CACNA2D3: variants seen among roughly 807,000 people sequenced by gnomAD.
CACNA2D3 encodes calcium voltage-gated channel auxiliary subunit alpha2delta 3, also known as voltage-dependent calcium channel subunit alpha-2/delta-3.
CACNA2D3 carries 60 observed loss-of-function variants against 160.6 expected under a neutral mutation model. The observed-to-expected ratio is 0.37, with a 90% CI of 0.30 to 0.46. The LOEUF is 0.46. CACNA2D3 is among the 20% of genes least tolerant of loss of function. The pLI is 1.00. For missense variants in CACNA2D3, 1,205 were observed against 1,365.0 expected, an observed-to-expected ratio of 0.88 and a Z score of 1.85; for synonymous variants, 558 against 492.9, an observed-to-expected ratio of 1.13 and a Z score of -1.75.
chr3:54,591,264 C>G (rs1342753836), intron 9 of CACNA2D3, among the ~76,000 whole-genome samples: 1 of 152,236 alleles, frequency 6.6e-6, no homozygotes, highest in Admixed American at 6.5e-5. Context: ...GTCATCCCCT[C>G]TCCCCAGCTA....
intron 11 of CACNA2D3, among the ~76,000 whole-genome samples, chr3:54,692,364 A>G (rs1700587142): frequency 6.6e-6 from 1 of 152,176 alleles, no homozygotes; most frequent in South Asian, 2.1e-4. Flanking sequence ...CCTTCAGGTC[A>G]GGAGAGCATT....
At chr3:54,924,194 G>T (rs1040822373) in intron 27 of CACNA2D3, among the ~76,000 whole-genome samples, 3 of 152,170 alleles carry the variant, frequency 2.0e-5, no homozygotes, top group African/African-American at 4.8e-5. Flanking sequence ...AATTACAGTT[G>T]TCAAATGGGT....
At chr3:54,795,182 A>G (rs917168078) in intron 13 of CACNA2D3, among the ~76,000 whole-genome samples, 1 of 152,104 alleles carries the variant, frequency 6.6e-6, no homozygotes, top group Non-Finnish European at 1.5e-5. Context: ...AGACCCATAC[A>G]GTCACTTTTA....
chr3:54,375,659 T>G (rs1415287934), intron 3 of CACNA2D3, among the ~76,000 whole-genome samples: 1 of 152,068 alleles, frequency 6.6e-6, no homozygotes, highest in African/African-American at 2.4e-5. Flanking sequence ...TTTTGGGTCA[T>G]AGTCATGATT....
intron 9 of CACNA2D3, chr3:54,626,351 G>C: frequency 6.4e-7 from 1 of 1,557,170 alleles, no homozygotes; most frequent in Non-Finnish European, 8.7e-7. Context: ...CGGCTGAACC[G>C]GGGCCTGCGG....
intron 2 of CACNA2D3, among the ~76,000 whole-genome samples, chr3:54,280,223 A>G (rs1702842519): frequency 6.6e-6 from 1 of 152,084 alleles, no homozygotes; most frequent in African/African-American, 2.4e-5. Context: ...CTGGAACTAC[A>G]GGTGCTCGCC....
chr3:54,496,251 C>A (rs568558737), intron 4 of CACNA2D3, among the ~76,000 whole-genome samples: 82 of 152,234 alleles, frequency 5.4e-4, no homozygotes, highest in African/African-American at 2.0e-3. Context: ...GTGTTTGTAC[C>A]ATTTTATATT....
chr3:54,459,240 A>C (rs975991538), intron 4 of CACNA2D3, among the ~76,000 whole-genome samples: 1 of 151,736 alleles, frequency 6.6e-6, no homozygotes, highest in African/African-American at 2.4e-5. Context: ...ATATGTGTGC[A>C]TGTGTCTTTA....
chr3:54,748,323 C>T (rs1472231003), intron 11 of CACNA2D3, among the ~76,000 whole-genome samples: 1 of 152,194 alleles, frequency 6.6e-6, no homozygotes, highest in Non-Finnish European at 1.5e-5. Context: ...AAGGGTACCC[C>T]TCTCAGTTTC....
At chr3:54,365,493 T>C (rs1698812975) in intron 3 of CACNA2D3, among the ~76,000 whole-genome samples, 1 of 152,228 alleles carries the variant, frequency 6.6e-6, no homozygotes, top group African/African-American at 2.4e-5. Context: ...CTTCCCTGCC[T>C]CTTTCTCTCC....
intron 2 of CACNA2D3, among the ~76,000 whole-genome samples, chr3:54,198,427 G>T (rs909536753): frequency 6.6e-6 from 1 of 152,176 alleles, no homozygotes; most frequent in South Asian, 2.1e-4. Context: ...GAATATTTCC[G>T]TATACCAGCT....
intron 9 of CACNA2D3, among the ~76,000 whole-genome samples, chr3:54,604,082 A>G (rs935019639): frequency 2.8e-4 from 42 of 152,182 alleles, no homozygotes; most frequent in African/African-American, 1.0e-3. Flanking sequence ...GAGCATCAGT[A>G]TATTAATATT....
chr3:54,774,630 T>A (rs944897442), intron 13 of CACNA2D3, among the ~76,000 whole-genome samples: 2 of 39,428 alleles, frequency 5.1e-5, no homozygotes. Flanking sequence ...TCTTTGACTA[T>A]TTTTTTTTTT....
chr3:54,642,114 A>C lies in CACNA2D3; in HGVS notation c.1054-14A>C. ...CTGATATGTATACTATTTTGAACTTATTTCTTTCCCTAGTTCAACCACACG... is the reference window on the plus strand; with the variant it reads ...CTGATATGTATACTATTTTGAACTTCTTTCTTTCCCTAGTTCAACCACACG... On this transcript the variant is annotated splice_polypyrimidine_tract_variant and intron_variant, in intron 10 of 37. Transcript: ENST00000474759. 6.4e-7 allele frequency: 1 copy of C among 1,560,626 alleles called. No homozygotes were observed. The highest frequency in any genetic ancestry group is 8.8e-7 in the Non-Finnish European group (1 of 1,137,404).
At chr3:54,549,151 A>G (rs1176965110) in intron 5 of CACNA2D3, among the ~76,000 whole-genome samples, 2 of 152,174 alleles carry the variant, frequency 1.3e-5, no homozygotes, top group Non-Finnish European at 2.9e-5. Flanking sequence ...TTTTGCTGTT[A>G]AAAACAAACA....
intron 5 of CACNA2D3, among the ~76,000 whole-genome samples, chr3:54,526,954 G>C (rs1458559639): frequency 6.6e-6 from 1 of 152,230 alleles, no homozygotes; most frequent in Non-Finnish European, 1.5e-5. Context: ...GCCTCCCGAA[G>C]TGCTGGGATT....
At chr3:54,509,864 G>A (rs1308422090) in intron 5 of CACNA2D3, among the ~76,000 whole-genome samples, 2 of 152,220 alleles carry the variant, frequency 1.3e-5, no homozygotes, top group Non-Finnish European at 2.9e-5. Flanking sequence ...CTGAGTTCAA[G>A]TCTATTGGCA....
intron 5 of CACNA2D3, among the ~76,000 whole-genome samples, chr3:54,540,033 A>G (rs1701947833): frequency 6.6e-6 from 1 of 152,182 alleles, no homozygotes; most frequent in African/African-American, 2.4e-5. Context: ...TGGAAGAGAT[A>G]AGCTGTTGTT....
At chr3:54,498,387 T>C (rs1398568869) in intron 4 of CACNA2D3, among the ~76,000 whole-genome samples, 1 of 152,040 alleles carries the variant, frequency 6.6e-6, no homozygotes, top group Non-Finnish European at 1.5e-5. Context: ...GTTTGTAATA[T>C]TCCCTTATCC....
Sources: allele counts gnomAD v4.1 joint callset (sites outside exome capture counted in the v4.1 genomes callset), GRCh38; gene constraint gnomAD v4.1.1; transcripts MANE v1.5; gene names NCBI Gene and HGNC (gene_info 2026-07-23, HGNC 2026-07-21).